C4orf51: variants seen among roughly 807,000 people sequenced by gnomAD.
C4orf51 encodes chromosome 4 open reading frame 51.
Under a neutral mutation model 25.2 loss-of-function variants are expected in C4orf51, and 25 were observed. The ratio of observed to expected loss-of-function variants is 0.99; its 90% CI spans 0.72 to 1.39. The LOEUF (loss-of-function observed/expected upper bound fraction) is 1.39, where lower values mean the gene tolerates loss of function less well. C4orf51 is among the 40% of genes most tolerant of loss of function. The pLI is 0.00. For missense variants in C4orf51, 252 were observed against 239.6 expected (o/e 1.05, Z -0.34); for synonymous variants, 100 against 84.5 (o/e 1.18, Z -1.01).
intron 2 of C4orf51, among the ~76,000 whole-genome samples, chr4:145,699,426 G>A (rs181194773): frequency 1.1e-3 from 160 of 151,768 alleles, no homozygotes; most frequent in African/African-American, 2.8e-3. Flanking sequence ...TCCGGTAAGC[G>A]GCCTCTTTTT....
chr4:145,740,146 G>A (rs1007000782), intron 1 of C4orf51, among the ~76,000 whole-genome samples: 2 of 145,844 alleles, frequency 1.4e-5, no homozygotes, highest in Non-Finnish European at 3.0e-5. Flanking sequence ...TTTCTGGAAT[G>A]TAAAGTTTCC....
chr4:145,731,747 AATTTTTGT>A (rs938929559), intron 5 of C4orf51, among the ~76,000 whole-genome samples: 3 of 151,278 alleles, frequency 2.0e-5, no homozygotes, highest in Non-Finnish European at 4.4e-5. Flanking sequence ...ACACCCAACT[AATTTTTGT>A]ATTTTTAGTA....
chr4:145,706,492 T>C (rs1046656098), intron 2 of C4orf51, among the ~76,000 whole-genome samples: 4 of 152,204 alleles, frequency 2.6e-5, no homozygotes, highest in South Asian at 4.1e-4. Context: ...ATACAGGGAC[T>C]GTGTAGCCAA....
downstream of C4orf51, among the ~76,000 whole-genome samples, chr4:145,734,516 A>G (rs973882198): frequency 4.6e-5 from 7 of 152,174 alleles, no homozygotes; most frequent in Non-Finnish European, 8.8e-5. Context: ...GAATCTCCCC[A>G]GTCCCTCAGC....
chr4:145,761,148 G>T lies in C4orf51; in HGVS notation n.167-9840G>T. 7.8e-7 allele frequency: 1 copy of T among 1,289,818 alleles called. No individual in the cohort carries two copies. The highest frequency in any genetic ancestry group is 1.0e-6 in the Non-Finnish European group (1 of 988,838). 79.9% of individuals were successfully genotyped at this position (1,289,818 alleles called of 1,614,324 possible). On this transcript the variant is annotated intron_variant and non_coding_transcript_variant, in intron 1 of 1. Transcript: ENST00000510096. This position sits in a 1 kb window ranked among gnomAD's most constrained non-coding sequence, Gnocchi z 6.8. ...GGGCCCCCGGGCCGGCCGGTTCCTT[G>T]GGGGCTGGACACAGGCCCTTCTTGT...
rs70956871 is a variant in C4orf51, at chr4:145,749,065, GTA to G, written n.168-5122_168-5121del. On this transcript the variant is annotated intron_variant and non_coding_transcript_variant, in intron 1 of 1. Transcript: ENST00000508981. ...TGGATGCTCCAATGTGTGTGTGTGT[GTA>G]TATATATATATATATATATGTATAT... Among the ~76,000 whole-genome samples the G allele has an allele frequency of 1.1e-3, 132 of 116,090 alleles. 1 individual carries two copies. Among genetic ancestry groups the G allele is most frequent in the African/African-American group, 3.8e-3 (107 of 27,852 alleles). 76.2% of individuals were successfully genotyped at this position (116,090 alleles called of 152,430 possible). A position where few individuals can be genotyped will look rare whatever the true frequency, so the allele number is the denominator to read the frequency against.
intron 1 of C4orf51, among the ~76,000 whole-genome samples, chr4:145,767,138 A>G (rs1735428228): frequency 6.6e-6 from 1 of 152,252 alleles, no homozygotes; most frequent in Non-Finnish European, 1.5e-5. Flanking sequence ...TAGACTTCGC[A>G]GACAAGGACA....
chr4:145,731,002 G>A (rs1003134041), intron 5 of C4orf51, among the ~76,000 whole-genome samples: 3 of 152,294 alleles, frequency 2.0e-5, no homozygotes, highest in South Asian at 2.1e-4. Flanking sequence ...AAGCCAGTGC[G>A]GTGGCAGACT....
At chr4:145,769,141 C>T (rs534375791) in intron 1 of C4orf51, among the ~76,000 whole-genome samples, 34 of 151,910 alleles carry the variant, frequency 2.2e-4, no homozygotes, top group Middle Eastern at 6.8e-3. Flanking sequence ...GCAGACAACT[C>T]TTACTTCAGT....
At chr4:145,759,065 CTT>C (rs2126828772), downstream of C4orf51, 1 of 152,286 alleles carries the variant, frequency 6.6e-6, no homozygotes, top group African/African-American at 2.4e-5. Context: ...AACCCCAACT[CTT>C]AGGATAACAC....
chr4:145,783,441 A>G, the C4orf51 span, among the ~76,000 whole-genome samples: 1 of 152,230 alleles, frequency 6.6e-6, no homozygotes, highest in African/African-American at 2.4e-5. Context: ...TGATTCTATT[A>G]GTGGAAATGT....
the C4orf51 span, among the ~76,000 whole-genome samples, chr4:145,786,075 C>T: frequency 1.6e-4 from 25 of 152,164 alleles, no homozygotes; most frequent in Admixed American, 8.5e-4. Flanking sequence ...GAAGAAAGTT[C>T]CCTTGAACCT....
At chr4:145,779,316 A>G in the C4orf51 span, 1 of 1,566,774 alleles carries the variant, frequency 6.4e-7, no homozygotes, top group Non-Finnish European at 8.6e-7. Context: ...GTTTCCGGAG[A>G]GTAAAGAAGT....
chr4:145,680,167 C>A lies in C4orf51; in HGVS notation c.-37C>A. On this transcript the variant is annotated 5_prime_UTR_variant, in exon 1 of 6. Coordinates refer to ENST00000438731, the MANE Select transcript of C4orf51 (RefSeq NM_001080531.3). ...AATTAATTCTTCATTATGCAGAGGA[C>A]TTGACAAGTTGTTTTCCAGAGAGGC... The A allele has an allele frequency of 6.9e-7, 1 of 1,454,402 alleles. No individual in the cohort carries two copies. The highest frequency in any genetic ancestry group is 9.7e-7 in the Non-Finnish European group (1 of 1,035,054). 90.1% of individuals were successfully genotyped at this position (1,454,402 alleles called of 1,614,324 possible).
At chr4:145,781,195 CAAAAAAAAA>C in the C4orf51 span, among the ~76,000 whole-genome samples, 4 of 56,546 alleles carry the variant, frequency 7.1e-5, no homozygotes, top group Non-Finnish European at 8.4e-5. Flanking sequence ...GACACCATCT[CAAAAAAAAA>C]AAAAAAAAAA....
intron 5 of C4orf51, 26 bp from the exon 6 acceptor site, chr4:145,732,427 T>C (rs1329431340): frequency 1.3e-6 from 2 of 1,509,670 alleles, no homozygotes; most frequent in Admixed American, 1.7e-5. Flanking sequence ...TGAGCGAGTG[T>C]TGACAACCAG....
chr4:145,770,580 TA>T (rs1736120858), intron 1 of C4orf51, among the ~76,000 whole-genome samples: 1 of 151,596 alleles, frequency 6.6e-6, no homozygotes, highest in African/African-American at 2.4e-5. Context: ...TATTCTATTA[TA>T]AAACATACAT....
At chr4:145,744,259 A>T (rs1733245288) in intron 1 of C4orf51, among the ~76,000 whole-genome samples, 1 of 152,110 alleles carries the variant, frequency 6.6e-6, no homozygotes, top group Admixed American at 6.5e-5. Flanking sequence ...TTCAACTGGG[A>T]TGGAAACTTT....
chr4:145,748,444 C>T (rs1027178729), intron 1 of C4orf51, among the ~76,000 whole-genome samples: 4 of 151,750 alleles, frequency 2.6e-5, no homozygotes, highest in Non-Finnish European at 2.9e-5. Context: ...GTTTAGTTTG[C>T]TCTTGCTTTT....
Sources: gnomAD v4.1 joint callset for allele counts (sites outside exome capture counted in the v4.1 genomes callset) on GRCh38, gnomAD v4.1.1 for gene constraint, Gnocchi (gnomAD v3.1) non-coding constraint, MANE v1.5 for transcripts, NCBI Gene and HGNC (gene_info 2026-07-23, HGNC 2026-07-21) for gene names.